Variants in ACYP2 observed in about 807,000 individuals in gnomAD.
ACYP2 encodes acylphosphatase 2.
In ACYP2, 12 loss-of-function variants were observed where a neutral mutation model predicts 11.2. The observed-to-expected ratio is 1.08, with a 90% CI of 0.69 to 1.74. The LOEUF (loss-of-function observed/expected upper bound fraction) is 1.74, where lower values mean the gene tolerates loss of function less well. ACYP2 is among the 40% of genes most tolerant of loss of function. The pLI, the probability that ACYP2 is intolerant of heterozygous loss-of-function variation, is 0.00. For synonymous variants in ACYP2, 43 were observed against 32.2 expected (o/e 1.33, Z -1.13); for missense variants, 134 against 101.9 (o/e 1.31, Z -1.35).
chr2:54,090,903 G>C (rs2103681145), intron 4 of ACYP2, among the ~76,000 whole-genome samples: 1 of 152,240 alleles, frequency 6.6e-6, no homozygotes. Flanking sequence ...CATGTATTTG[G>C]ATGATTTTAC....
chr2:54,075,474 G>C (rs1674442210), intron 4 of ACYP2, among the ~76,000 whole-genome samples: 2 of 150,006 alleles, frequency 1.3e-5, no homozygotes, highest in African/African-American at 4.9e-5. Flanking sequence ...TCCTATCCTG[G>C]GTGACAGAGT....
intron 4 of ACYP2, among the ~76,000 whole-genome samples, chr2:54,064,920 C>T (rs1676662203): frequency 6.6e-6 from 1 of 152,034 alleles, no homozygotes; most frequent in African/African-American, 2.4e-5. Flanking sequence ...CCCGTCTCTA[C>T]TAAAAATACA....
chr2:54,251,309 T>C (rs1291272210), intron 6 of ACYP2, among the ~76,000 whole-genome samples: 1 of 152,226 alleles, frequency 6.6e-6, no homozygotes, highest in Non-Finnish European at 1.5e-5. Flanking sequence ...ATGTGCAGCA[T>C]ACTTTTAAAT....
At chr2:54,292,555 G>A (rs963402339) in intron 6 of ACYP2, among the ~76,000 whole-genome samples, 2 of 151,930 alleles carry the variant, frequency 1.3e-5, no homozygotes, top group African/African-American at 4.8e-5. Flanking sequence ...TTAAATTACA[G>A]ATGAGGCTTG....
intron 6 of ACYP2, among the ~76,000 whole-genome samples, chr2:54,188,353 AT>A (rs1296226115): frequency 6.6e-6 from 1 of 152,170 alleles, no homozygotes; most frequent in Non-Finnish European, 1.5e-5. Flanking sequence ...AAAGTTAAAT[AT>A]TTTTTCCATA....
At chr2:54,169,986 T>C (rs943569699) in intron 6 of ACYP2, among the ~76,000 whole-genome samples, 1 of 152,216 alleles carries the variant, frequency 6.6e-6, no homozygotes, top group Admixed American at 6.5e-5. Context: ...TGTCCTATTA[T>C]GATAGATGAA....
intron 4 of ACYP2, among the ~76,000 whole-genome samples, chr2:54,096,306 A>G (rs1253806134): frequency 7.4e-6 from 1 of 135,938 alleles, no homozygotes; most frequent in African/African-American, 2.8e-5. Flanking sequence ...CTCACTTCCT[A>G]GATGGGATGG....
At chr2:54,168,876 G>A (rs1683116019) in intron 6 of ACYP2, among the ~76,000 whole-genome samples, 1 of 152,168 alleles carries the variant, frequency 6.6e-6, no homozygotes, top group Non-Finnish European at 1.5e-5. Context: ...GGATGACAAA[G>A]TCAAAATTTT....
At chr2:54,003,851 A>G (rs1672923730) in intron 2 of ACYP2, among the ~76,000 whole-genome samples, 1 of 152,198 alleles carries the variant, frequency 6.6e-6, no homozygotes, top group South Asian at 2.1e-4. Context: ...TTGCATTCCT[A>G]CTAGCAACAA....
intron 6 of ACYP2, among the ~76,000 whole-genome samples, chr2:54,230,365 TG>T (rs1288873883): frequency 4.6e-5 from 7 of 152,186 alleles, no homozygotes; most frequent in Non-Finnish European, 7.3e-5. Context: ...TTTCGTTTTT[TG>T]TTTTTTTGAG....
rs79200439 is a variant in ACYP2, at chr2:54,133,411, A to G, written c.278-2042A>G. Among the ~76,000 whole-genome samples the G allele has an allele frequency of 5.0e-3, 756 of 152,204 alleles. 8 individuals carry two copies. Among genetic ancestry groups the G allele is most frequent in the African/African-American group, 0.018 (735 of 41,522 alleles). ...TTTAATTGCTATATCCTCTCCTCTAAATTTAAGCACTTTTTTTTTCTGTCA... is the reference window on the plus strand; with the variant it reads ...TTTAATTGCTATATCCTCTCCTCTAGATTTAAGCACTTTTTTTTTCTGTCA... On this transcript the variant is annotated intron_variant, in intron 4 of 6. Transcript: ENST00000607452.
intron 4 of ACYP2, among the ~76,000 whole-genome samples, chr2:54,067,060 T>G (rs1401994268): frequency 6.6e-6 from 1 of 152,248 alleles, no homozygotes; most frequent in African/African-American, 2.4e-5. Context: ...AACACTTTTG[T>G]CATGTAACAT....
At chr2:54,033,379 T>C (rs1057244827) in intron 2 of ACYP2, among the ~76,000 whole-genome samples, 6 of 151,608 alleles carry the variant, frequency 4.0e-5, no homozygotes, top group African/African-American at 1.5e-4. Flanking sequence ...TGTGTGTGTT[T>C]TGTTTTTTTT....
In ACYP2 at chr2:54,283,672, A is replaced by G. The variant is rs1194578182; in HGVS notation, c.405-21016A>G. 4.6e-5 allele frequency among the ~76,000 whole-genome samples: 7 copies of G among 152,260 alleles called. 1 individual carries two copies. The highest frequency in any genetic ancestry group is 1.3e-4 in the Admixed American group (2 of 15,290). On this transcript the variant is annotated intron_variant, in intron 6 of 6. Transcript: ENST00000607452. Reference sequence around the variant, plus strand: ...CAAGTAAATATTTAAGTATATTTTAACATTTGTAATTATTTAACAATTGGA... The same window carrying G: ...CAAGTAAATATTTAAGTATATTTTAGCATTTGTAATTATTTAACAATTGGA...
intron 2 of ACYP2, among the ~76,000 whole-genome samples, chr2:53,980,066 G>A (rs920995610): frequency 6.6e-6 from 1 of 152,072 alleles, no homozygotes; most frequent in Non-Finnish European, 1.5e-5. Flanking sequence ...TTCATAGCTG[G>A]GCACCATGGC....
At chr2:53,975,019 C>T (rs761012346) in intron 2 of ACYP2, among the ~76,000 whole-genome samples, 6 of 151,826 alleles carry the variant, frequency 4.0e-5, no homozygotes, top group African/African-American at 7.3e-5. Flanking sequence ...TTTAAGATTT[C>T]GAAGAGACCA....
chr2:54,012,063 G>A (rs1024120654), intron 2 of ACYP2, among the ~76,000 whole-genome samples: 2 of 151,948 alleles, frequency 1.3e-5, no homozygotes, highest in African/African-American at 4.8e-5. Context: ...TGGTGAAACC[G>A]CATCTCTACT....
At chr2:54,225,199 A>G (rs890811015) in intron 6 of ACYP2, among the ~76,000 whole-genome samples, 2 of 152,182 alleles carry the variant, frequency 1.3e-5, no homozygotes, top group African/African-American at 4.8e-5. Context: ...GAAATTCTCT[A>G]TCTGGCTGTG....
At chr2:54,040,130 A>T (rs959706462) in intron 2 of ACYP2, among the ~76,000 whole-genome samples, 1 of 152,096 alleles carries the variant, frequency 6.6e-6, no homozygotes, top group African/African-American at 2.4e-5. Flanking sequence ...TAGTAGTGGA[A>T]GTGGTGAGAA....
Sources: allele counts gnomAD v4.1 joint callset (sites outside exome capture counted in the v4.1 genomes callset), GRCh38; gene constraint gnomAD v4.1.1; transcripts MANE v1.5; gene names NCBI Gene and HGNC (gene_info 2026-07-23, HGNC 2026-07-21).